PCDHGB3: variants seen among roughly 807,000 people sequenced by gnomAD.
The protein encoded by PCDHGB3 is protocadherin gamma subfamily B, 3, also known as protocadherin gamma-B3.
In PCDHGB3, 40 loss-of-function variants were observed where a neutral mutation model predicts 59.2. That is an observed-to-expected ratio of 0.68 (90% confidence interval 0.52 to 0.88). PCDHGB3 has a LOEUF of 0.88. Among genes scored for constraint, PCDHGB3 ranks in the 40% least tolerant of loss-of-function variants. The pLI is 0.00. For synonymous variants in PCDHGB3, 581 were observed against 503.6 expected (o/e 1.15, Z -2.06); for missense variants, 1,309 against 1,187.9 (o/e 1.10, Z -1.50).
At chr5:141,467,280 T>G (rs1021597111) in intron 1 of PCDHGB3, among the ~76,000 whole-genome samples, 58 of 152,272 alleles carry the variant, frequency 3.8e-4, no homozygotes, top group Admixed American at 2.6e-4. Flanking sequence ...CTCGAACTCT[T>G]GACCTCAAGT....
chr5:141,491,312 C>T lies in PCDHGB3; in HGVS notation c.2416-3495C>T, dbSNP rs749198887. The stretch of plus-strand genomic sequence containing the variant: ...CACCCTCCTGAGCGTTCAGACCTTA[C>T]CCTTTACCTCATTGTGGCTCTAGCG... On this transcript the variant is annotated intron_variant, in intron 1 of 3. Transcript: ENST00000576222. The surrounding 1 kb of genome is among the most constrained non-coding windows in gnomAD (Gnocchi z 6.9). 3 of 1,614,170 alleles carry T rather than the reference C, an allele frequency of 1.9e-6. No individual in the cohort carries two copies. Among genetic ancestry groups the T allele is most frequent in the East Asian group, 4.5e-5 (2 of 44,878 alleles).
At chr5:141,414,753 T>G (rs10041534) in intron 1 of PCDHGB3, 22 of 1,614,088 alleles carry the variant, frequency 1.4e-5, no homozygotes, top group Non-Finnish European at 1.8e-5. Context: ...CCTTCGACTA[T>G]GAGCAGTTTC....
intron 1 of PCDHGB3, chr5:141,373,940 C>T: frequency 1.4e-6 from 1 of 716,494 alleles, no homozygotes; most frequent in East Asian, 3.0e-5. Flanking sequence ...AGCAGGAAAG[C>T]TGTGCAGAAA....
rs1399367534 is a variant in PCDHGB3 at position 141,487,098 on chromosome 5, A to G, written c.2416-7709A>G. 6.2e-7 allele frequency: 1 copy of G among 1,613,778 alleles called. No homozygotes were observed. The highest frequency in any genetic ancestry group is 8.5e-7 in the Non-Finnish European group (1 of 1,179,788). On this transcript the variant is annotated intron_variant, in intron 1 of 3. Transcript: ENST00000576222. The surrounding 1 kb of genome is among the most constrained non-coding windows in gnomAD (Gnocchi z 5.0). ...ATCCCAGCTGACCTCCCACCACAGA[A>G]GCTGGTCATTGTGGTAAAGGATAGT...
At chr5:141,391,324 T>C (rs1246568740) in intron 1 of PCDHGB3, 2 of 151,644 alleles carry the variant, frequency 1.3e-5, no homozygotes, top group Non-Finnish European at 2.9e-5. Context: ...TTTCTTTTTT[T>C]TTTTTTGAGA....
intron 1 of PCDHGB3, chr5:141,414,744 C>T (rs1381345965): frequency 6.2e-7 from 1 of 1,614,210 alleles, no homozygotes; most frequent in Non-Finnish European, 8.5e-7. Context: ...CACTCAGATC[C>T]TTCGACTATG....
intron 1 of PCDHGB3, chr5:141,403,774 C>T (rs1350465491): frequency 1.9e-6 from 3 of 1,613,668 alleles, no homozygotes; most frequent in Non-Finnish European, 1.7e-6. Flanking sequence ...AGGGAATCAA[C>T]GGAAAAGTGG....
chr5:141,473,193 A>G (rs938175797), intron 1 of PCDHGB3, among the ~76,000 whole-genome samples: 2 of 152,232 alleles, frequency 1.3e-5, no homozygotes, highest in African/African-American at 4.8e-5. Flanking sequence ...GAGTAAATGT[A>G]TCTTCTAAAA....
chr5:141,492,919 C>A (rs1019663003), intron 1 of PCDHGB3, among the ~76,000 whole-genome samples: 1 of 152,192 alleles, frequency 6.6e-6, no homozygotes, highest in Non-Finnish European at 1.5e-5. Context: ...ATGTGCCCAG[C>A]GATCTAGGGT....
At chr5:141,481,323 C>T (rs539518691) in intron 1 of PCDHGB3, among the ~76,000 whole-genome samples, 1 of 152,284 alleles carries the variant, frequency 6.6e-6, no homozygotes, top group Non-Finnish European at 1.5e-5. Flanking sequence ...AAAGCACTAG[C>T]CCCTGGACAA....
At chr5:141,462,786 T>G (rs1394476968) in intron 1 of PCDHGB3, among the ~76,000 whole-genome samples, 1 of 152,216 alleles carries the variant, frequency 6.6e-6, no homozygotes, top group Admixed American at 6.5e-5. Flanking sequence ...AATTTGTTGC[T>G]TATTTGCATG....
intron 1 of PCDHGB3, chr5:141,410,904 A>G (rs2095446600): frequency 3.8e-6 from 1 of 262,528 alleles, no homozygotes; most frequent in African/African-American, 3.2e-5. Flanking sequence ...CCTAGGCTGG[A>G]GTGCAGTGGC....
chr5:141,428,169 G>A (rs758370904), intron 1 of PCDHGB3: 1 of 1,540,076 alleles, frequency 6.5e-7, no homozygotes, highest in Non-Finnish European at 8.9e-7. Flanking sequence ...GTTGCTGTGC[G>A]TGACGGAGGA....
chr5:141,371,007 C>G lies in PCDHGB3; in HGVS notation c.613C>G (p.Gln205Glu). The part of the protein sequence containing the change: ...VLKAPLDREE[Q>E]PHHHLVLTAV... ...GAAAGCACCCCTGGACAGGGAAGAG[C>G]AGCCACATCACCACCTGGTCCTCAC... Residue 205 changes from glutamine to glutamate, a missense_variant, in exon 1 of 4, where the codon CAG becomes GAG. By Grantham distance (29) the Gln-to-Glu change is conservative. Coordinates refer to ENST00000576222, the MANE Select transcript of PCDHGB3 (RefSeq NM_018924.5). 2 of 1,613,962 alleles carry G rather than the reference C, an allele frequency of 1.2e-6. No individual in the cohort carries two copies. The highest frequency in any genetic ancestry group is 2.7e-5 in the African/African-American group (2 of 75,066).
chr5:141,431,476 A>G lies in PCDHGB3; in HGVS notation c.2415+58667A>G, dbSNP rs975772031. 1.9e-6 allele frequency: 3 copies of G among 1,613,864 alleles called. No homozygotes were observed. Among genetic ancestry groups the G allele is most frequent in the Admixed American group, 3.3e-5 (2 of 60,032 alleles). ...TGGTTCTGGATGCGAACGACAACGC[A>G]CCAGCGTTTGCTCAGCCCGAGTACC... On this transcript the variant is annotated intron_variant, in intron 1 of 3. Coordinates refer to ENST00000576222, the MANE Select transcript of PCDHGB3 (RefSeq NM_018924.5). This position sits in a 1 kb window ranked among gnomAD's most constrained non-coding sequence, Gnocchi z 4.8.
intron 1 of PCDHGB3, chr5:141,412,854 A>G (rs1356959630): frequency 4.5e-6 from 1 of 223,412 alleles, no homozygotes; most frequent in South Asian, 1.8e-4. Context: ...GAGAAACCAA[A>G]GAATCTATGT....
In PCDHGB3 at chr5:141,420,134, G is replaced by A. The variant is rs769225630; in HGVS notation, c.2415+47325G>A. The A allele has an allele frequency of 1.1e-5, 18 of 1,613,952 alleles. No homozygotes were observed. Among genetic ancestry groups the A allele is most frequent in the Non-Finnish European group, 1.4e-5 (17 of 1,179,876 alleles). Reference sequence around the variant, plus strand: ...TGCCTATAATTTTTGTGTGCCTGGGGATCAAATGAATCCAGAATTTAATTT... The same window carrying A: ...TGCCTATAATTTTTGTGTGCCTGGGAATCAAATGAATCCAGAATTTAATTT... On this transcript the variant is annotated intron_variant, in intron 1 of 3. Coordinates refer to ENST00000576222, the MANE Select transcript of PCDHGB3 (RefSeq NM_018924.5).
rs563057370 is a variant in PCDHGB3 at position 141,491,297 on chromosome 5, A to G, written c.2416-3510A>G. 1.2e-6 allele frequency: 2 copies of G among 1,614,106 alleles called. No homozygotes were observed. Among genetic ancestry groups the G allele is most frequent in the African/African-American group, 2.7e-5 (2 of 75,038 alleles). On this transcript the variant is annotated intron_variant, in intron 1 of 3. Transcript: ENST00000576222. This position sits in a 1 kb window ranked among gnomAD's most constrained non-coding sequence, Gnocchi z 6.9. The stretch of plus-strand genomic sequence containing the variant: ...AGTGACTTCCTCATACACCCTCCTG[A>G]GCGTTCAGACCTTACCCTTTACCTC...
At chr5:141,376,815 T>C in intron 1 of PCDHGB3, 1 of 299,046 alleles carries the variant, frequency 3.3e-6, no homozygotes, top group Admixed American at 4.9e-5. Context: ...GCCTCCCTAG[T>C]AGCTGGGACT....
Sources: allele counts gnomAD v4.1 joint callset (sites outside exome capture counted in the v4.1 genomes callset), GRCh38; gene constraint gnomAD v4.1.1; non-coding constraint Gnocchi (gnomAD v3.1); transcripts MANE v1.5; gene names NCBI Gene and HGNC (gene_info 2026-07-23, HGNC 2026-07-21).